Variants in ADAMTS20 observed in about 807,000 individuals in gnomAD.
The protein encoded by ADAMTS20 is ADAM metallopeptidase with thrombospondin type 1 motif 20.
A neutral mutation model predicts 260.1 loss-of-function variants in ADAMTS20; 225 were observed. The ratio of observed to expected loss-of-function variants is 0.87; its 90% confidence interval spans 0.78 to 0.97. ADAMTS20 has a LOEUF of 0.97. ADAMTS20 is among the 50% of genes least tolerant of loss of function. ADAMTS20 has a pLI of 0.00. For synonymous variants in ADAMTS20, 802 were observed against 769.5 expected (o/e 1.04, Z -0.70); for missense variants, 2,400 against 2,337.7 (o/e 1.03, Z -0.55).
intron 28 of ADAMTS20, chr12:43,422,796 T>C (rs1941260509): frequency 6.6e-6 from 1 of 152,100 alleles, no homozygotes. Flanking sequence ...CTGTGATTAT[T>C]GTTTTCTTGG....
At chr12:43,399,941 A>T (rs57864863) in intron 28 of ADAMTS20, among the ~76,000 whole-genome samples, 6,202 of 152,172 alleles carry the variant, frequency 0.041, 399 homozygotes, top group African/African-American at 0.14. Flanking sequence ...ATTGAGTATC[A>T]CTTCTGCCAC....
At chr12:43,548,152 A>G (rs1359367310) in intron 2 of ADAMTS20, among the ~76,000 whole-genome samples, 1 of 152,224 alleles carries the variant, frequency 6.6e-6, no homozygotes, top group Admixed American at 6.5e-5. Context: ...AATAAACTAC[A>G]ACATCCATTC....
At chr12:43,460,961 A>G (rs1390365410) in intron 11 of ADAMTS20, among the ~76,000 whole-genome samples, 2 of 97,794 alleles carry the variant, frequency 2.0e-5, no homozygotes, top group Non-Finnish European at 4.0e-5. Context: ...AGGCACAACT[A>G]AATTATATAT....
chr12:43,439,679 C>G lies in ADAMTS20; in HGVS notation c.2536G>C (p.Asp846His), dbSNP rs761635882. 2.5e-6 allele frequency: 4 copies of G among 1,613,762 alleles called. 1 individual carries two copies. The South Asian group carries it at 4.4e-5, about 18-fold the overall frequency. The change falls in exon 18 of 39, where the codon GAC becomes CAC. Residue 846 changes from aspartate to histidine, a missense_variant. Physicochemically the swap from Asp to His is moderately conservative, Grantham distance 81. Coordinates refer to ENST00000389420, the MANE Select transcript of ADAMTS20 (RefSeq NM_025003.5). ...CCATAGGGGTCCCATGTGAACATGT[C>G]ACTCCTCTCTTCCAAAGGGATATTG... ...SFNIPLEERSDMFTWDPYGPW... is the reference protein window; with the variant it reads ...SFNIPLEERSHMFTWDPYGPW...
intron 3 of ADAMTS20, among the ~76,000 whole-genome samples, chr12:43,506,109 A>G (rs529328270): frequency 6.6e-6 from 1 of 151,580 alleles, no homozygotes; most frequent in African/African-American, 2.4e-5. Flanking sequence ...GGTAAGAATG[A>G]GATTCCACCT....
At chr12:43,521,292 C>G (rs1943068567) in intron 3 of ADAMTS20, among the ~76,000 whole-genome samples, 1 of 152,140 alleles carries the variant, frequency 6.6e-6, no homozygotes, top group Admixed American at 6.5e-5. Context: ...AACTAAAAAC[C>G]CTGGACTTCC....
At chr12:43,537,665 C>T (rs776305896) in intron 2 of ADAMTS20, among the ~76,000 whole-genome samples, 9 of 152,124 alleles carry the variant, frequency 5.9e-5, no homozygotes, top group Non-Finnish European at 1.0e-4. Context: ...CCACCCCACA[C>T]ACCCTCTCTC....
chr12:43,394,994 A>G lies in ADAMTS20; in HGVS notation c.4452+4072T>C, dbSNP rs191793339. ...TTTTTACTTTTCTTATGGAGATTCA[A>G]CCATTTATGCCTTGAAAAGTTTGAT... On this transcript the variant is annotated intron_variant, in intron 29 of 38. Coordinates refer to ENST00000389420, the MANE Select transcript of ADAMTS20 (RefSeq NM_025003.5). Among the ~76,000 whole-genome samples, 117 of 152,230 alleles carry G rather than the reference A, an allele frequency of 7.7e-4. 1 individual carries two copies. The highest frequency in any genetic ancestry group is 2.6e-3 in the African/African-American group (110 of 41,550).
At chr12:43,352,959 C>G (rs1939667945), downstream of ADAMTS20, among the ~76,000 whole-genome samples, 1 of 151,998 alleles carries the variant, frequency 6.6e-6, no homozygotes, top group African/African-American at 2.4e-5. Context: ...TGTATTAGAG[C>G]TTTATATGGT....
intron 37 of ADAMTS20, among the ~76,000 whole-genome samples, chr12:43,367,417 C>T (rs537881103): frequency 1.2e-3 from 182 of 152,144 alleles, no homozygotes; most frequent in African/African-American, 4.1e-3. Context: ...TGTGGTAACA[C>T]TCTATCAATC....
intron 4 of ADAMTS20, among the ~76,000 whole-genome samples, chr12:43,496,776 C>T (rs1428829274): frequency 1.3e-5 from 2 of 152,118 alleles, no homozygotes; most frequent in Non-Finnish European, 2.9e-5. Context: ...AATCATTCCA[C>T]AGTTTGAGAA....
At chr12:43,416,374 T>C (rs770856790) in intron 28 of ADAMTS20, among the ~76,000 whole-genome samples, 4 of 152,146 alleles carry the variant, frequency 2.6e-5, no homozygotes, top group African/African-American at 4.8e-5. Flanking sequence ...AGTTTTTCTA[T>C]ACCTATAGAA....
chr12:43,524,496 T>C (rs1223472003), intron 3 of ADAMTS20, among the ~76,000 whole-genome samples: 2 of 151,900 alleles, frequency 1.3e-5, no homozygotes, highest in Non-Finnish European at 2.9e-5. Flanking sequence ...CAGCAATGGA[T>C]CCAGATCAAG....
intron 15 of ADAMTS20, among the ~76,000 whole-genome samples, chr12:43,445,716 G>A (rs1006634040): frequency 2.0e-5 from 3 of 151,740 alleles, no homozygotes; most frequent in African/African-American, 7.3e-5. Flanking sequence ...GATGGGCATG[G>A]TGGTGAACAC....
intron 31 of ADAMTS20, among the ~76,000 whole-genome samples, chr12:43,379,945 A>C (rs750380665): frequency 6.6e-6 from 1 of 151,902 alleles, no homozygotes; most frequent in Non-Finnish European, 1.5e-5. Context: ...TGCCTAACTC[A>C]TCCTATGAAG....
At chr12:43,433,307 A>T (rs1941485295) in intron 19 of ADAMTS20, among the ~76,000 whole-genome samples, 1 of 152,184 alleles carries the variant, frequency 6.6e-6, no homozygotes, top group African/African-American at 2.4e-5. Flanking sequence ...CAGGTAAAAC[A>T]TGTCTTCCAC....
At chr12:43,412,322 G>A (rs1008724464) in intron 28 of ADAMTS20, among the ~76,000 whole-genome samples, 1 of 152,160 alleles carries the variant, frequency 6.6e-6, no homozygotes, top group Non-Finnish European at 1.5e-5. Context: ...AGTTGCTTGA[G>A]CATTTTTATT....
chr12:43,388,359 AC>A (rs1396366972), intron 29 of ADAMTS20, among the ~76,000 whole-genome samples: 6 of 152,104 alleles, frequency 3.9e-5, no homozygotes, highest in African/African-American at 1.4e-4. Flanking sequence ...CGTGGGCTGT[AC>A]CCACTGTCTA....
intron 2 of ADAMTS20, among the ~76,000 whole-genome samples, chr12:43,533,262 T>A (rs918315174): frequency 6.8e-6 from 1 of 146,466 alleles, no homozygotes; most frequent in African/African-American, 2.5e-5. Flanking sequence ...TGGTGTGAGA[T>A]GATATCTCAT....
Sources: allele counts gnomAD v4.1 joint callset (sites outside exome capture counted in the v4.1 genomes callset), GRCh38; gene constraint gnomAD v4.1.1; transcripts MANE v1.5; gene names NCBI Gene and HGNC (gene_info 2026-07-23, HGNC 2026-07-21).